EEFSEC: variants seen among roughly 807,000 people sequenced by gnomAD.
EEFSEC encodes the protein selenocysteine-specific elongation factor.
In EEFSEC, 43 loss-of-function variants were observed where a neutral mutation model predicts 42.1. The observed-to-expected ratio is 1.02, with a 90% CI of 0.80 to 1.32. The LOEUF (loss-of-function observed/expected upper bound fraction) is 1.32. Among genes scored for constraint, EEFSEC ranks in the 40% most tolerant of loss-of-function variants. The pLI, the probability that EEFSEC is intolerant of heterozygous loss-of-function variation, is 0.00. For missense variants in EEFSEC, 745 were observed against 803.6 expected (o/e 0.93, Z 0.88); for synonymous variants, 354 against 339.1 (o/e 1.04, Z -0.48).
chr3:128,304,081 T>G (rs1398835292), intron 4 of EEFSEC, among the ~76,000 whole-genome samples: 4 of 151,854 alleles, frequency 2.6e-5, no homozygotes, highest in South Asian at 2.1e-4. Flanking sequence ...TAATAGGTTT[T>G]TTTTTTTTTT....
intron 6 of EEFSEC, among the ~76,000 whole-genome samples, chr3:128,387,018 C>T (rs1246259029): frequency 6.6e-6 from 1 of 152,222 alleles, no homozygotes; most frequent in African/African-American, 2.4e-5. Flanking sequence ...GCTCACCCCT[C>T]ATAGGCCTGG....
At chr3:128,352,852 C>T (rs1165996572) in intron 5 of EEFSEC, among the ~76,000 whole-genome samples, 1 of 152,366 alleles carries the variant, frequency 6.6e-6, no homozygotes, top group South Asian at 2.1e-4. Context: ...GAGGTTAGGC[C>T]TCTGGCCAGA....
chr3:128,298,926 T>G (rs1368622136), intron 4 of EEFSEC, among the ~76,000 whole-genome samples: 1 of 152,234 alleles, frequency 6.6e-6, no homozygotes, highest in Non-Finnish European at 1.5e-5. Flanking sequence ...TGAATAGTAT[T>G]CCATTGAGTA....
chr3:128,389,506 G>A (rs2067882431), intron 6 of EEFSEC, among the ~76,000 whole-genome samples: 1 of 152,242 alleles, frequency 6.6e-6, no homozygotes, highest in Non-Finnish European at 1.5e-5. Context: ...TAGAGCCCAG[G>A]TTTCTGGCTA....
chr3:128,306,656 A>G (rs569781881), intron 4 of EEFSEC, among the ~76,000 whole-genome samples: 6 of 152,374 alleles, frequency 3.9e-5, no homozygotes, highest in Non-Finnish European at 7.3e-5. Flanking sequence ...CAGTTTCCCC[A>G]TCTGTAAAAT....
At chr3:128,332,535 T>A (rs2067145172) in intron 4 of EEFSEC, among the ~76,000 whole-genome samples, 1 of 152,132 alleles carries the variant, frequency 6.6e-6, no homozygotes, top group Non-Finnish European at 1.5e-5. Flanking sequence ...CACTGCAACC[T>A]CCACCTCCTG....
chr3:128,268,383 C>T (rs980420371), intron 4 of EEFSEC, among the ~76,000 whole-genome samples: 1 of 151,964 alleles, frequency 6.6e-6, no homozygotes, highest in African/African-American at 2.4e-5. Context: ...AGTTAATGGC[C>T]TAATGGACTG....
In EEFSEC at chr3:128,314,073, C is replaced by T. The variant is rs144120617; in HGVS notation, c.787-27160C>T. On this transcript the variant is annotated intron_variant, in intron 4 of 6. Coordinates refer to ENST00000254730, the MANE Select transcript of EEFSEC (RefSeq NM_021937.5). ...ATGTGGATGTCTGTTTAGCCTCTGCCTAGGAATCTACCGTAAGGACATGCT... is the reference window on the plus strand; with the variant it reads ...ATGTGGATGTCTGTTTAGCCTCTGCTTAGGAATCTACCGTAAGGACATGCT... 1.3e-3 allele frequency among the ~76,000 whole-genome samples: 199 copies of T among 152,308 alleles called. 1 individual carries two copies. Among genetic ancestry groups the T allele is most frequent in the African/African-American group, 4.4e-3 (184 of 41,554 alleles).
intron 6 of EEFSEC, among the ~76,000 whole-genome samples, chr3:128,382,980 C>G (rs943079315): frequency 1.3e-5 from 2 of 152,238 alleles, no homozygotes; most frequent in African/African-American, 4.8e-5. Context: ...GGCAGGCTGC[C>G]TTGGCTGGAG....
chr3:128,389,914 A>G (rs1159519427), intron 6 of EEFSEC, among the ~76,000 whole-genome samples: 1 of 152,218 alleles, frequency 6.6e-6, no homozygotes, highest in Non-Finnish European at 1.5e-5. Flanking sequence ...CCATGTTGGT[A>G]GCAGAAGCTG....
chr3:128,155,158 A>C (rs992474637), intron 1 of EEFSEC, among the ~76,000 whole-genome samples: 2 of 152,024 alleles, frequency 1.3e-5, no homozygotes, highest in Middle Eastern at 3.2e-3. Flanking sequence ...CTCTGTTACC[A>C]GGCTGGAGTG....
At chr3:128,309,564 A>G (rs187889942) in intron 4 of EEFSEC, among the ~76,000 whole-genome samples, 1 of 152,356 alleles carries the variant, frequency 6.6e-6, no homozygotes. Context: ...AACTTTTACC[A>G]GTAAGTAAAA....
Position 128,264,634 on chromosome 3 carries a change from T to C in EEFSEC, c.639T>C (p.Ile213=), listed in dbSNP as rs2066333078. The C allele has an allele frequency of 1.2e-6, 2 of 1,613,800 alleles. No individual in the cohort carries two copies. Among genetic ancestry groups the C allele is most frequent in the African/African-American group, 1.3e-5 (1 of 74,886 alleles). The change falls in exon 4 of 7, where the codon ATT becomes ATC. Residue 213 remains isoleucine, a synonymous_variant. Transcript: ENST00000254730. ...TTTTCTAGCTCCTGACGTCCCAGAT[T>C]TCCATCCCAACGAGAGATCCCTCGG... ...PELIELLTSQ[I]SIPTRDPSGP...
intron 6 of EEFSEC, among the ~76,000 whole-genome samples, chr3:128,406,921 T>C (rs904772498): frequency 2.0e-5 from 3 of 151,980 alleles, no homozygotes; most frequent in African/African-American, 7.3e-5. Context: ...TTGTCATTTG[T>C]CAATTTAAAA....
intron 1 of EEFSEC, among the ~76,000 whole-genome samples, chr3:128,188,600 TA>T (rs969508547): frequency 2.0e-5 from 3 of 152,246 alleles, no homozygotes; most frequent in African/African-American, 7.2e-5. Flanking sequence ...AATGCATAGC[TA>T]ATGTGTTCCA....
intron 4 of EEFSEC, among the ~76,000 whole-genome samples, chr3:128,273,240 C>T (rs2066432879): frequency 6.6e-6 from 1 of 152,206 alleles, no homozygotes; most frequent in South Asian, 2.1e-4. Context: ...TTGCCTTTCT[C>T]CTGGCTTGAG....
In EEFSEC at chr3:128,290,223, G is replaced by A. The variant is rs1458900291; in HGVS notation, c.786+25442G>A. ...GAAGCTTTAAAGTTTTAGCTTTTAT[G>A]TTTAGGTCTGTGTTCAATTCCAAAT... On this transcript the variant is annotated intron_variant, in intron 4 of 6. Transcript: ENST00000254730. Among the ~76,000 whole-genome samples, 6 of 151,844 alleles carry A rather than the reference G, an allele frequency of 4.0e-5. 1 individual carries two copies. The highest frequency in any genetic ancestry group is 3.9e-4 in the Admixed American group (6 of 15,260).
intron 6 of EEFSEC, among the ~76,000 whole-genome samples, chr3:128,399,364 G>T (rs1025926178): frequency 6.6e-6 from 1 of 152,222 alleles, no homozygotes; most frequent in Non-Finnish European, 1.5e-5. Context: ...CCCAATCAAA[G>T]GGGTGCATGA....
At chr3:128,336,015 C>G (rs1336658501) in intron 4 of EEFSEC, among the ~76,000 whole-genome samples, 14 of 152,112 alleles carry the variant, frequency 9.2e-5, no homozygotes, top group Non-Finnish European at 1.5e-5. Flanking sequence ...TTCAAAGAGG[C>G]AGTTGGGTGT....
Sources: allele counts gnomAD v4.1 joint callset (sites outside exome capture counted in the v4.1 genomes callset), GRCh38; gene constraint gnomAD v4.1.1; transcripts MANE v1.5; gene names NCBI Gene and HGNC (gene_info 2026-07-23, HGNC 2026-07-21).